AFG2A: variants seen among roughly 807,000 people sequenced by gnomAD.
The protein encoded by AFG2A is AAA ATPase AFG2A, also known as ATPase family gene 2 protein homolog A.
the AFG2A span, among the ~76,000 whole-genome samples, chr4:123,187,413 A>G: frequency 6.6e-6 from 1 of 152,188 alleles, no homozygotes; most frequent in African/African-American, 2.4e-5. Flanking sequence ...CCAACGTATT[A>G]GTTGTTATCG....
chr4:123,092,009 G>A, the AFG2A span, among the ~76,000 whole-genome samples: 1 of 152,130 alleles, frequency 6.6e-6, no homozygotes, highest in Non-Finnish European at 1.5e-5. Flanking sequence ...CCTTGCTTTG[G>A]TTAGGTATTT....
the AFG2A span, among the ~76,000 whole-genome samples, chr4:123,187,008 A>C: frequency 2.0e-4 from 30 of 152,294 alleles, no homozygotes; most frequent in Non-Finnish European, 4.1e-4. Flanking sequence ...TGAGGAAAGA[A>C]AAGAGGAAAG....
chr4:122,956,997 A>G, the AFG2A span, among the ~76,000 whole-genome samples: 11 of 152,204 alleles, frequency 7.2e-5, no homozygotes, highest in African/African-American at 1.9e-4. Context: ...GACAGGTTCT[A>G]TGCCTTATCT....
chr4:123,194,156 C>T, the AFG2A span, among the ~76,000 whole-genome samples: 3 of 152,000 alleles, frequency 2.0e-5, no homozygotes, highest in East Asian at 1.9e-4. Context: ...CCCTACTTAC[C>T]GGCCATAGGA....
At chr4:123,054,509 G>A in the AFG2A span, among the ~76,000 whole-genome samples, 2 of 151,920 alleles carry the variant, frequency 1.3e-5, no homozygotes, top group African/African-American at 2.4e-5. Context: ...ACGAGGTCAG[G>A]AGATTGAGAC....
the AFG2A span, among the ~76,000 whole-genome samples, chr4:123,039,962 T>C: frequency 6.6e-6 from 1 of 152,122 alleles, no homozygotes; most frequent in Admixed American, 6.5e-5. Flanking sequence ...AGCCTAGTAC[T>C]CCATTTTATG....
At chr4:122,983,986 C>T in the AFG2A span, among the ~76,000 whole-genome samples, 1 of 152,154 alleles carries the variant, frequency 6.6e-6, no homozygotes, top group Non-Finnish European at 1.5e-5. Context: ...CGAACAACAA[C>T]CTTCAGCCCT....
the AFG2A span, among the ~76,000 whole-genome samples, chr4:123,082,523 C>CTTT: frequency 2.8e-5 from 4 of 141,260 alleles, no homozygotes; most frequent in Admixed American, 7.1e-5. Context: ...TCTCTTTTTT[C>CTTT]TTTTTTTTTT....
the AFG2A span, among the ~76,000 whole-genome samples, chr4:122,950,340 ATT>A: frequency 3.5e-5 from 5 of 142,792 alleles, no homozygotes; most frequent in African/African-American, 2.6e-5. Context: ...GTCATTGTTA[ATT>A]TTTTTTTTTT....
At chr4:123,055,246 G>T in the AFG2A span, among the ~76,000 whole-genome samples, 2 of 152,118 alleles carry the variant, frequency 1.3e-5, no homozygotes, top group Admixed American at 1.3e-4. Context: ...ATCTATTTTG[G>T]CTCATCAGAG....
chr4:123,314,054 A>C, the AFG2A span: 1 of 1,570,530 alleles, frequency 6.4e-7, no homozygotes, highest in Non-Finnish European at 8.6e-7. Flanking sequence ...AGTGGGCTGC[A>C]TACACTCTGA....
At chr4:122,982,081 A>G in the AFG2A span, among the ~76,000 whole-genome samples, 2 of 152,054 alleles carry the variant, frequency 1.3e-5, no homozygotes, top group Non-Finnish European at 2.9e-5. Flanking sequence ...CTTGCTCTTC[A>G]TCTTAGAGGA....
the AFG2A span, among the ~76,000 whole-genome samples, chr4:122,981,133 A>G: frequency 7.7e-4 from 117 of 152,260 alleles, 1 homozygote; most frequent in Non-Finnish European, 5.1e-4. Context: ...AGTTCTAGAT[A>G]TTATGTTTAA....
the AFG2A span, among the ~76,000 whole-genome samples, chr4:123,180,023 C>A: frequency 2.6e-5 from 4 of 152,068 alleles, no homozygotes; most frequent in African/African-American, 9.7e-5. Flanking sequence ...CATTCGAGAC[C>A]AGCCTGGCCA....
At chr4:123,096,735 T>C in the AFG2A span, among the ~76,000 whole-genome samples, 1 of 152,186 alleles carries the variant, frequency 6.6e-6, no homozygotes, top group South Asian at 2.1e-4. Context: ...AATTTTACTT[T>C]AAGCCATCTA....
the AFG2A span, among the ~76,000 whole-genome samples, chr4:123,145,558 A>G: frequency 2.0e-5 from 3 of 152,142 alleles, no homozygotes; most frequent in African/African-American, 7.2e-5. Context: ...GGGAATTTAA[A>G]ACTTCCACAA....
chr4:122,983,821 C>A, the AFG2A span, among the ~76,000 whole-genome samples: 2 of 152,282 alleles, frequency 1.3e-5, no homozygotes, highest in Admixed American at 1.3e-4. Flanking sequence ...GTACAGACAA[C>A]CCCCAGTACC....
At chr4:123,269,405 C>T in the AFG2A span, among the ~76,000 whole-genome samples, 6 of 152,196 alleles carry the variant, frequency 3.9e-5, no homozygotes, top group African/African-American at 1.2e-4. Flanking sequence ...ACATGAGTAC[C>T]CATTAGTTTC....
At chr4:123,080,504 T>G in the AFG2A span, among the ~76,000 whole-genome samples, 1 of 152,138 alleles carries the variant, frequency 6.6e-6, no homozygotes, top group African/African-American at 2.4e-5. Context: ...CCTTTGCAAA[T>G]TCCCCTATCA....
Sources: gnomAD v4.1 joint callset for allele counts (sites outside exome capture counted in the v4.1 genomes callset) on GRCh38, gnomAD v4.1.1 for gene constraint, MANE v1.5 for transcripts, NCBI Gene and HGNC (gene_info 2026-07-23, HGNC 2026-07-21) for gene names.